DLGAP1: variants seen among roughly 807,000 people sequenced by gnomAD.
DLGAP1 encodes the protein disks large-associated protein 1.
A neutral mutation model predicts 90.8 loss-of-function variants in DLGAP1; 11 were observed. That is an observed-to-expected ratio of 0.12 (90% CI 0.08 to 0.20). The LOEUF (loss-of-function observed/expected upper bound fraction) is 0.20. Ranked by LOEUF, DLGAP1 falls within the 10% of genes least tolerant of loss-of-function variation. DLGAP1 has a pLI of 1.00. For synonymous variants in DLGAP1, 558 were observed against 540.7 expected (o/e 1.03, Z -0.44); for missense variants, 1,050 against 1,333.8 (o/e 0.79, Z 3.31).
At position 4,297,333 on chromosome 18, in the gene DLGAP1, G is replaced by A. The variant is rs1027264017; in HGVS notation, c.-266-146046C>T. On this transcript the variant is annotated intron_variant, in intron 1 of 12. Coordinates refer to ENST00000315677, the MANE Select transcript of DLGAP1 (RefSeq NM_004746.4). ...ACCTGTAGAAAACCATCAATGTCTG[G>A]TGGTGCCTAAGACGCTCCATGCCAT... Among the ~76,000 whole-genome samples the A allele has an allele frequency of 5.3e-5, 8 of 152,060 alleles. 1 individual carries two copies. The East Asian group carries it at 1.5e-3, about 29-fold the overall frequency.
At chr18:4,030,151 C>T (rs1568360419) in intron 2 of DLGAP1, among the ~76,000 whole-genome samples, 1 of 152,092 alleles carries the variant, frequency 6.6e-6, no homozygotes, top group Non-Finnish European at 1.5e-5. Context: ...TGCAACCATG[C>T]CTGGTTAATT....
At chr18:4,019,724 T>C (rs1273632985) in intron 2 of DLGAP1, among the ~76,000 whole-genome samples, 2 of 152,214 alleles carry the variant, frequency 1.3e-5, no homozygotes, top group African/African-American at 4.8e-5. Flanking sequence ...ATACTTCTTC[T>C]GTGTTGCAGG....
At chr18:3,939,654 T>C (rs2072727210) in intron 3 of DLGAP1, among the ~76,000 whole-genome samples, 1 of 152,170 alleles carries the variant, frequency 6.6e-6, no homozygotes, top group East Asian at 1.9e-4. Context: ...AAAGATAAAT[T>C]TCATGCTCTT....
In DLGAP1 at chr18:4,170,813, A is replaced by G. The variant is rs182914752; in HGVS notation, c.-266-19526T>C. On this transcript the variant is annotated intron_variant, in intron 1 of 12. Coordinates refer to ENST00000315677, the MANE Select transcript of DLGAP1 (RefSeq NM_004746.4). The stretch of plus-strand genomic sequence containing the variant: ...CAAAGGATAATTCCAGTTATTTTTC[A>G]TAACTGAAAAAGAGTATTAGTGTTC... Among the ~76,000 whole-genome samples the G allele has an allele frequency of 4.5e-3, 692 of 152,320 alleles. 4 individuals are homozygous for G. The highest frequency in any genetic ancestry group is 0.015 in the African/African-American group (633 of 41,572).
chr18:4,328,492 A>G (rs527569933), intron 1 of DLGAP1, among the ~76,000 whole-genome samples: 1 of 152,104 alleles, frequency 6.6e-6, no homozygotes, highest in African/African-American at 2.4e-5. Context: ...ACTATTATAA[A>G]CAAAGCTTGC....
intron 1 of DLGAP1, among the ~76,000 whole-genome samples, chr18:4,349,822 A>G (rs1051727668): frequency 6.6e-6 from 1 of 152,148 alleles, no homozygotes; most frequent in Admixed American, 6.5e-5. Context: ...ATGATAATGC[A>G]CTGTATCTTT....
rs2062328942 is a variant in DLGAP1, at chr18:3,729,387, C to T, written c.1351-12G>A. Reference sequence around the variant, plus strand: ...TCCATCTCGCTCACCTGCGGGCAGACACAGGCGTTGTGACACTCGCCTCCA... The same window carrying T: ...TCCATCTCGCTCACCTGCGGGCAGATACAGGCGTTGTGACACTCGCCTCCA... On this transcript the variant is annotated splice_polypyrimidine_tract_variant and intron_variant, in intron 6 of 12. Coordinates refer to ENST00000315677, the MANE Select transcript of DLGAP1 (RefSeq NM_004746.4). The surrounding 1 kb of genome is among the most constrained non-coding windows in gnomAD (Gnocchi z 6.2). 6.2e-7 allele frequency: 1 copy of T among 1,605,078 alleles called. No homozygotes were observed. The highest frequency in any genetic ancestry group is 1.1e-5 in the South Asian group (1 of 90,462).
At chr18:3,742,246 G>C (rs1392200086) in intron 6 of DLGAP1, 89 bp downstream of exon 6, 2 of 1,471,706 alleles carry the variant, frequency 1.4e-6, no homozygotes, top group Non-Finnish European at 1.8e-6. Flanking sequence ...CTGGATGAAT[G>C]ACTGCCTCCC....
At chr18:3,556,878 G>A (rs905221408) in intron 9 of DLGAP1, among the ~76,000 whole-genome samples, 7 of 152,128 alleles carry the variant, frequency 4.6e-5, no homozygotes, top group Non-Finnish European at 8.8e-5. Flanking sequence ...CACGTTGGGA[G>A]GCCAAGGCAT....
At chr18:4,420,016 A>G (rs182384265) in intron 1 of DLGAP1, among the ~76,000 whole-genome samples, 2 of 152,196 alleles carry the variant, frequency 1.3e-5, no homozygotes, top group Non-Finnish European at 2.9e-5. Context: ...TAAAGCATGG[A>G]AACACTAACC....
intron 3 of DLGAP1, among the ~76,000 whole-genome samples, chr18:3,936,312 A>G (rs989296119): frequency 6.6e-5 from 10 of 152,200 alleles, no homozygotes; most frequent in African/African-American, 2.4e-4. Context: ...GGCCTCTCTC[A>G]GCTCCACTCC....
chr18:3,500,630 C>T (rs904173219), intron 12 of DLGAP1, among the ~76,000 whole-genome samples: 7 of 152,096 alleles, frequency 4.6e-5, no homozygotes, highest in Non-Finnish European at 1.0e-4. Context: ...ACTATATTCT[C>T]CCAACTCTGA....
chr18:3,532,183 C>G (rs144300986), intron 10 of DLGAP1, among the ~76,000 whole-genome samples: 22 of 152,140 alleles, frequency 1.4e-4, no homozygotes, highest in Admixed American at 4.6e-4. Flanking sequence ...ACTCTGACAA[C>G]AATAACTACA....
At chr18:4,417,918 T>C (rs2082939721) in intron 1 of DLGAP1, among the ~76,000 whole-genome samples, 1 of 152,084 alleles carries the variant, frequency 6.6e-6, no homozygotes, top group Non-Finnish European at 1.5e-5. Flanking sequence ...TAAGATATCT[T>C]AAGTAATCCA....
At chr18:3,683,102 C>T (rs528852741) in intron 7 of DLGAP1, among the ~76,000 whole-genome samples, 6 of 152,158 alleles carry the variant, frequency 3.9e-5, no homozygotes, top group South Asian at 2.1e-4. Context: ...ATGATCCACC[C>T]GCCTCAGCCT....
intron 1 of DLGAP1, among the ~76,000 whole-genome samples, chr18:4,367,004 C>CAAAAAAAAAAAAA (rs67286288): frequency 1.2e-4 from 7 of 60,732 alleles, no homozygotes; most frequent in African/African-American, 4.0e-4. Flanking sequence ...CTGTCAATGG[C>CAAAAAAAAAAAAA]AAAAAAAAAA....
At chr18:3,631,966 G>C (rs1182069365) in intron 7 of DLGAP1, among the ~76,000 whole-genome samples, 2 of 151,964 alleles carry the variant, frequency 1.3e-5, no homozygotes, top group African/African-American at 4.8e-5. Context: ...TTTTTGTAGA[G>C]GCAAGTTCTC....
intron 10 of DLGAP1, among the ~76,000 whole-genome samples, chr18:3,518,979 T>A (rs761693889): frequency 8.5e-5 from 13 of 152,316 alleles, no homozygotes; most frequent in Non-Finnish European, 1.6e-4. Flanking sequence ...AATAATTTCT[T>A]TTTTTATGAG....
Position 4,034,666 on chromosome 18 carries a change from A to G in DLGAP1, c.-158-29465T>C, listed in dbSNP as rs190676856. Among the ~76,000 whole-genome samples, 4 of 152,288 alleles carry G rather than the reference A, an allele frequency of 2.6e-5. No homozygotes were observed. The East Asian group carries it at 7.7e-4, about 30-fold the overall frequency. ...TTCTGGAAAAACAGGCCTCACTTCAAGAGAACGTCACTTATTTCACTTTGT... is the reference window on the plus strand; with the variant it reads ...TTCTGGAAAAACAGGCCTCACTTCAGGAGAACGTCACTTATTTCACTTTGT... On this transcript the variant is annotated intron_variant, in intron 2 of 12. Transcript: ENST00000315677.
Sources: gnomAD v4.1 joint callset for allele counts (sites outside exome capture counted in the v4.1 genomes callset) on GRCh38, gnomAD v4.1.1 for gene constraint, Gnocchi (gnomAD v3.1) non-coding constraint, MANE v1.5 for transcripts, NCBI Gene and HGNC (gene_info 2026-07-23, HGNC 2026-07-21) for gene names.